The following MYBPC1 variants were observed in gnomAD, a reference collection of about 807,000 sequenced individuals.
MYBPC1 encodes the protein myosin-binding protein C, slow-type.
In MYBPC1, 52 loss-of-function variants were observed where a neutral mutation model predicts 147.1. The observed-to-expected ratio is 0.35, with a 90% CI of 0.28 to 0.45. The LOEUF is 0.45. Among genes scored for constraint, MYBPC1 ranks in the 20% least tolerant of loss-of-function variants. The pLI, the probability that MYBPC1 is intolerant of heterozygous loss-of-function variation, is 1.00. For synonymous variants in MYBPC1, 477 were observed against 475.9 expected (o/e 1.00, Z -0.03); for missense variants, 1,228 against 1,440.3 (o/e 0.85, Z 2.39).
At chr12:101,672,109 CATTTTTCCCTAGTGGCTA>C (rs1258480490) in intron 24 of MYBPC1, among the ~76,000 whole-genome samples, 1 of 152,178 alleles carries the variant, frequency 6.6e-6, no homozygotes. Flanking sequence ...AGAGAACCCA[CATTTTTCCCTAGTGGCTA>C]ACAGCAAGTT....
chr12:101,606,857 G>A lies in MYBPC1; in HGVS notation c.26-7639G>A, dbSNP rs368294005. Among the ~76,000 whole-genome samples the A allele has an allele frequency of 2.6e-5, 4 of 151,890 alleles. No individual in the cohort carries two copies. In the East Asian group the frequency reaches 5.8e-4, roughly 22 times the overall value. ...TGTTTCTTTGTTTTGTTTTGTTTGA[G>A]TCTGTCACTCAGGCTGGAGTGCAGT... On this transcript the variant is annotated intron_variant, in intron 1 of 31. Transcript: ENST00000361466.
chr12:101,685,176 AT>A (rs1448362962), intron 31 of MYBPC1, among the ~76,000 whole-genome samples: 1 of 152,226 alleles, frequency 6.6e-6, no homozygotes, highest in East Asian at 1.9e-4. Context: ...TAAAAAGAAC[AT>A]TAACAAACTG....
chr12:101,693,304 T>C, the MYBPC1 span, among the ~76,000 whole-genome samples: 3 of 152,184 alleles, frequency 2.0e-5, no homozygotes, highest in African/African-American at 7.2e-5. Context: ...AAATATGCCA[T>C]CTATATCTAT....
chr12:101,653,237 C>T lies in MYBPC1; in HGVS notation c.1756C>T (p.Arg586Trp), dbSNP rs12146878. The change falls in exon 18 of 32, where the codon CGG (arginine) becomes TGG (tryptophan). Residue 586 changes from arginine (R) to tryptophan (W), a missense_variant. Coordinates refer to ENST00000361466, the MANE Select transcript of MYBPC1 (RefSeq NM_002465.4). The stretch of plus-strand genomic sequence containing the variant: ...ACCACCTCCTAAAGCCATGTGGAGC[C>T]GGGGAGATAAGGTTTGTTTTATGCT... ...GEPPPKAMWSRGDKAIMEGSG... is the reference protein window; with the variant it reads ...GEPPPKAMWSWGDKAIMEGSG... The T allele has an allele frequency of 7.5e-4, 1,207 of 1,613,936 alleles. 1 individual carries two copies. The highest frequency in any genetic ancestry group is 1.3e-3 in the Admixed American group (81 of 60,008).
At chr12:101,596,458 G>A (rs1014569437) in intron 1 of MYBPC1, among the ~76,000 whole-genome samples, 5 of 152,154 alleles carry the variant, frequency 3.3e-5, no homozygotes, top group Admixed American at 2.0e-4. Context: ...TAACCTCTCC[G>A]AAGTGTACCC....
chr12:101,619,426 C>T (rs1886876006), intron 3 of MYBPC1, among the ~76,000 whole-genome samples: 1 of 152,154 alleles, frequency 6.6e-6, no homozygotes, highest in Non-Finnish European at 1.5e-5. Flanking sequence ...AGCTTTTTGA[C>T]ATTGGCCCCC....
chr12:101,636,834 T>C, intron 10 of MYBPC1, 106 bp downstream of exon 10: 3 of 920,264 alleles, frequency 3.3e-6, no homozygotes, highest in Non-Finnish European at 5.3e-6. Context: ...ATTTTTCATT[T>C]CTGAAAATGT....
intron 12 of MYBPC1, among the ~76,000 whole-genome samples, chr12:101,646,433 G>A (rs930306134): frequency 5.3e-5 from 8 of 152,226 alleles, no homozygotes; most frequent in Admixed American, 2.6e-4. Flanking sequence ...CGCTTGAACC[G>A]AGGAGTCTGA....
chr12:101,607,460 AT>A (rs1882661532), intron 1 of MYBPC1, among the ~76,000 whole-genome samples: 1 of 152,214 alleles, frequency 6.6e-6, no homozygotes, highest in African/African-American at 2.4e-5. Flanking sequence ...TACTTTGAGA[AT>A]AAGAAACGAT....
At chr12:101,611,370 A>C (rs1295635955) in intron 1 of MYBPC1, among the ~76,000 whole-genome samples, 1 of 152,220 alleles carries the variant, frequency 6.6e-6, no homozygotes, top group East Asian at 1.9e-4. Flanking sequence ...GAGAATGTAC[A>C]TTTAGGGAAC....
At chr12:101,614,260 A>G (rs1056973644) in intron 1 of MYBPC1, among the ~76,000 whole-genome samples, 15 of 152,054 alleles carry the variant, frequency 9.9e-5, no homozygotes, top group African/African-American at 2.9e-4. Flanking sequence ...AAATCTATAT[A>G]CCACACATAA....
At chr12:101,684,253 C>A in intron 30 of MYBPC1, 129 bp from the exon 31 acceptor site, 1 of 780,230 alleles carries the variant, frequency 1.3e-6, no homozygotes, top group South Asian at 1.4e-5. Context: ...TTTTACATGA[C>A]TAAGGATTAA....
chr12:101,635,587 T>G (rs1266118229), intron 9 of MYBPC1, among the ~76,000 whole-genome samples: 1 of 152,182 alleles, frequency 6.6e-6, no homozygotes. Context: ...GCTCAGCAAA[T>G]GCACAGGTCT....
intron 30 of MYBPC1, among the ~76,000 whole-genome samples, chr12:101,684,118 A>G (rs1951201001): frequency 1.3e-5 from 2 of 152,180 alleles, no homozygotes; most frequent in South Asian, 4.1e-4. Flanking sequence ...ATACAATCAG[A>G]ATGACTTTGC....
chr12:101,596,685 AC>A (rs1877378745), intron 1 of MYBPC1, among the ~76,000 whole-genome samples: 1 of 152,262 alleles, frequency 6.6e-6, no homozygotes, highest in South Asian at 2.1e-4. Flanking sequence ...TTTTCATTTG[AC>A]AACTCAGTCT....
intron 4 of MYBPC1, 105 bp downstream of exon 4, chr12:101,627,015 C>T (rs1026591120): frequency 2.8e-6 from 3 of 1,056,528 alleles, no homozygotes; most frequent in East Asian, 2.4e-5. Context: ...GTGCACAGAG[C>T]AGGGGCAACA....
At chr12:101,690,129 C>T (rs1260215265), downstream of MYBPC1, among the ~76,000 whole-genome samples, 1 of 151,948 alleles carries the variant, frequency 6.6e-6, no homozygotes, top group Non-Finnish European at 1.5e-5. Context: ...GAGCCAAGAT[C>T]GTGCCATTGC....
intron 26 of MYBPC1, 112 bp from the exon 27 acceptor site, chr12:101,677,123 C>CT: frequency 9.5e-7 from 1 of 1,056,904 alleles, no homozygotes; most frequent in East Asian, 2.5e-5. Flanking sequence ...AATGAGTGGT[C>CT]TTTTTTTCTT....
At chr12:101,662,643 C>T in intron 21 of MYBPC1, 97 bp downstream of exon 21, 1 of 1,376,056 alleles carries the variant, frequency 7.3e-7, no homozygotes, top group East Asian at 2.3e-5. Context: ...CTGGACACTT[C>T]TTAGAGTTGT....
Sources: allele counts gnomAD v4.1 joint callset (sites outside exome capture counted in the v4.1 genomes callset), GRCh38; gene constraint gnomAD v4.1.1; transcripts MANE v1.5; gene names NCBI Gene and HGNC (gene_info 2026-07-23, HGNC 2026-07-21).